The following ASTN1 variants were observed in gnomAD, a reference collection of about 807,000 sequenced individuals.
ASTN1 encodes the protein astrotactin 1.
In ASTN1, 41 loss-of-function variants were observed where a neutral mutation model predicts 140.7. The observed-to-expected ratio is 0.29, with a 90% CI of 0.23 to 0.38. ASTN1 has a LOEUF of 0.38. ASTN1 is among the 10% of genes least tolerant of loss of function. ASTN1 has a pLI of 1.00. For missense variants in ASTN1, 1,479 were observed against 1,678.8 expected (o/e 0.88, Z 2.08); for synonymous variants, 640 against 652.2 (o/e 0.98, Z 0.29).
chr1:177,084,486 GA>G (rs1679330350), intron 1 of ASTN1, among the ~76,000 whole-genome samples: 1 of 152,120 alleles, frequency 6.6e-6, no homozygotes, highest in South Asian at 2.1e-4. Flanking sequence ...TCCCAATCCA[GA>G]TCTATCTATA....
At position 176,882,978 on chromosome 1, in the gene ASTN1, A is replaced by T. The variant is rs1381438031; in HGVS notation, c.3243T>A (p.Phe1081Leu). ...TTGCTCCAGAGATGATGTCGTCCAC[A>T]AAGCTCAGCACTGTTTCTGCCCAGA... ...SKVETETVLS[F>L]VDDIISGAKS... is the part of the protein sequence containing the mutation. Residue 1081 changes from phenylalanine (F) to leucine (L), a missense_variant, in exon 20 of 23, where the codon TTT becomes TTA. Coordinates refer to ENST00000361833, the MANE Select transcript of ASTN1 (RefSeq NM_004319.3). The T allele has an allele frequency of 1.2e-6, 2 of 1,614,192 alleles. No homozygotes were observed. The highest frequency in any genetic ancestry group is 2.2e-5 in the South Asian group (2 of 91,082).
chr1:176,876,485 TG>T, intron 21 of ASTN1, 51 bp downstream of exon 21: 13 of 1,580,842 alleles, frequency 8.2e-6, no homozygotes, highest in Non-Finnish European at 1.0e-5. Context: ...TAGCAAGTGG[TG>T]GGTACCTGGG....
chr1:177,047,478 T>C (rs1253308625), intron 2 of ASTN1, among the ~76,000 whole-genome samples: 1 of 152,210 alleles, frequency 6.6e-6, no homozygotes, highest in Admixed American at 6.5e-5. Context: ...GTTAGCCTTC[T>C]GAATGGAGGA....
chr1:176,871,997 C>A (rs983720188), intron 21 of ASTN1, among the ~76,000 whole-genome samples: 1 of 152,042 alleles, frequency 6.6e-6, no homozygotes, highest in Non-Finnish European at 1.5e-5. Flanking sequence ...CTCAGGCAGC[C>A]GGGTAAATTG....
At position 177,030,852 on chromosome 1, in the gene ASTN1, A is replaced by G. The variant is rs1331557177; in HGVS notation, c.966T>C (p.Ser322=). The part of the protein sequence containing the change: ...DSNHQQATLL[S]HTSSSQRKRI... Reference sequence around the variant, plus strand: ...GCTTTCTCTGGCTGCTGGAGGTGTGAGAGAGAAGGGTGGCTTGCTGGTGGT... The same window carrying G: ...GCTTTCTCTGGCTGCTGGAGGTGTGGGAGAGAAGGGTGGCTTGCTGGTGGT... Residue 322 remains serine (S), a synonymous_variant, in exon 4 of 23, where the codon TCT becomes TCC. Coordinates refer to ENST00000361833, the MANE Select transcript of ASTN1 (RefSeq NM_004319.3). 3.1e-6 allele frequency: 5 copies of G among 1,614,168 alleles called. No homozygotes were observed. The highest frequency in any genetic ancestry group is 1.1e-5 in the South Asian group (1 of 91,088).
intron 1 of ASTN1, among the ~76,000 whole-genome samples, chr1:177,127,883 A>T (rs918193034): frequency 1.3e-4 from 20 of 152,156 alleles, no homozygotes; most frequent in Non-Finnish European, 5.9e-5. Flanking sequence ...TGTAGATGTA[A>T]TTTTTCATGT....
At chr1:177,023,109 C>A (rs899231844) in intron 7 of ASTN1, among the ~76,000 whole-genome samples, 1 of 152,086 alleles carries the variant, frequency 6.6e-6, no homozygotes, top group Non-Finnish European at 1.5e-5. Context: ...AAATGTCTAG[C>A]CCCAGTATTT....
chr1:177,082,035 A>C (rs1414751298), intron 1 of ASTN1, among the ~76,000 whole-genome samples: 2 of 152,146 alleles, frequency 1.3e-5, no homozygotes, highest in Admixed American at 1.3e-4. Flanking sequence ...GAGGAGCAAG[A>C]TTGGCTGAGG....
At chr1:176,933,904 C>T (rs1180761352) in intron 16 of ASTN1, among the ~76,000 whole-genome samples, 2 of 152,160 alleles carry the variant, frequency 1.3e-5, no homozygotes, top group Non-Finnish European at 2.9e-5. Context: ...AGGACTCTGT[C>T]TGTGATAACT....
chr1:177,138,473 C>T (rs1256556984), intron 1 of ASTN1, among the ~76,000 whole-genome samples: 2 of 152,018 alleles, frequency 1.3e-5, no homozygotes, highest in Non-Finnish European at 2.9e-5. Context: ...CTCTGGTTGC[C>T]GAGGAGTGGA....
intron 8 of ASTN1, among the ~76,000 whole-genome samples, chr1:177,004,058 T>C (rs12755513): frequency 0.35 from 53,123 of 151,982 alleles, 10,066 homozygotes; most frequent in Non-Finnish European, 0.43. Context: ...GCTGATGATA[T>C]TATCTTATAT....
chr1:177,162,931 C>T (rs12021769), intron 1 of ASTN1, among the ~76,000 whole-genome samples: 42,507 of 152,072 alleles, frequency 0.28, 10,117 homozygotes, highest in African/African-American at 0.65. Flanking sequence ...CTATCAAGAG[C>T]ATAGGTTGGG....
intron 8 of ASTN1, among the ~76,000 whole-genome samples, chr1:176,988,447 A>G (rs572003397): frequency 7.2e-5 from 11 of 152,292 alleles, no homozygotes; most frequent in Admixed American, 2.6e-4. Flanking sequence ...AGACATGAGG[A>G]AAAAATGAAC....
chr1:176,927,665 G>A (rs1283612161), intron 16 of ASTN1, among the ~76,000 whole-genome samples: 1 of 152,134 alleles, frequency 6.6e-6, no homozygotes, highest in Admixed American at 6.5e-5. Context: ...TACATGCCAG[G>A]CACTGTGTCA....
intron 11 of ASTN1, among the ~76,000 whole-genome samples, chr1:176,954,381 G>A (rs182337797): frequency 4.4e-4 from 67 of 152,284 alleles, no homozygotes; most frequent in Admixed American, 2.5e-3. Flanking sequence ...AGAGTCATGT[G>A]CCAAGAAATC....
intron 1 of ASTN1, among the ~76,000 whole-genome samples, chr1:177,129,578 T>C (rs1236775501): frequency 6.6e-6 from 1 of 152,068 alleles, no homozygotes; most frequent in Non-Finnish European, 1.5e-5. Context: ...AATAACCACT[T>C]AAAAAAAGAG....
intron 16 of ASTN1, among the ~76,000 whole-genome samples, chr1:176,905,180 A>G (rs10442615): frequency 0.06 from 9,097 of 152,266 alleles, 350 homozygotes; most frequent in Non-Finnish European, 0.087. Flanking sequence ...GGTAAAACTG[A>G]CAAACTGCCA....
intron 8 of ASTN1, among the ~76,000 whole-genome samples, chr1:176,969,698 T>C (rs916323851): frequency 6.6e-6 from 1 of 152,200 alleles, no homozygotes; most frequent in African/African-American, 2.4e-5. Context: ...GGTTGAACCC[T>C]GCCATCGGAA....
chr1:176,987,096 A>AC (rs1218727394), intron 8 of ASTN1, among the ~76,000 whole-genome samples: 1 of 152,152 alleles, frequency 6.6e-6, no homozygotes, highest in Non-Finnish European at 1.5e-5. Flanking sequence ...ACTGCCAAAC[A>AC]CCTATAAGGC....
Sources: allele counts gnomAD v4.1 joint callset (sites outside exome capture counted in the v4.1 genomes callset), GRCh38; gene constraint gnomAD v4.1.1; transcripts MANE v1.5; gene names NCBI Gene and HGNC (gene_info 2026-07-23, HGNC 2026-07-21).